Variants in CDC14A observed in about 807,000 individuals in gnomAD.
The protein encoded by CDC14A is dual specificity protein phosphatase CDC14A.
CDC14A carries 53 observed loss-of-function variants against 74.4 expected under a neutral mutation model. That is an observed-to-expected ratio of 0.71 (90% CI 0.57 to 0.89). The LOEUF (loss-of-function observed/expected upper bound fraction) is 0.89. Among genes scored for constraint, CDC14A ranks in the 40% least tolerant of loss-of-function variants. The probability of loss-of-function intolerance (pLI) is 0.00; values close to 1 mark genes in which losing one functional copy is unlikely to be tolerated. For missense variants in CDC14A, 646 were observed against 713.7 expected, an observed-to-expected ratio of 0.91 and a Z score of 1.08; for synonymous variants, 247 against 258.4, an observed-to-expected ratio of 0.96 and a Z score of 0.43.
At chr1:100,420,031 T>TACACACACAC (rs368385925) in intron 4 of CDC14A, among the ~76,000 whole-genome samples, 3 of 82,902 alleles carry the variant, frequency 3.6e-5, no homozygotes, top group African/African-American at 1.1e-4. Flanking sequence ...TATACATATA[T>TACACACACAC]ACACACACAC....
intron 8 of CDC14A, among the ~76,000 whole-genome samples, chr1:100,459,126 C>CACACAGAGAGAGAGAGAGAGAGAG (rs1279905046): frequency 6.9e-6 from 1 of 144,576 alleles, no homozygotes; most frequent in African/African-American, 2.6e-5. Context: ...CACACACACA[C>CACACAGAGAGAGAGAGAGAGAGAG]AGAGAGAGAG....
upstream of CDC14A, among the ~76,000 whole-genome samples, chr1:100,350,752 C>T (rs980271599): frequency 6.6e-6 from 1 of 152,112 alleles, no homozygotes; most frequent in Non-Finnish European, 1.5e-5. Context: ...TTAGATTATG[C>T]AAGAATTTTA....
intron 4 of CDC14A, among the ~76,000 whole-genome samples, chr1:100,391,795 G>C (rs181191458): frequency 6.6e-6 from 1 of 152,222 alleles, no homozygotes; most frequent in Non-Finnish European, 1.5e-5. Flanking sequence ...CTATTGCAGG[G>C]TGCAGGCTGA....
intron 4 of CDC14A, among the ~76,000 whole-genome samples, chr1:100,412,738 T>A (rs1424748743): frequency 1.0e-5 from 1 of 97,412 alleles, no homozygotes; most frequent in Non-Finnish European, 1.8e-5. Context: ...TATATATATA[T>A]TTTATATATA....
intron 4 of CDC14A, chr1:100,394,018 G>A: frequency 3.8e-6 from 1 of 261,588 alleles, no homozygotes; most frequent in Non-Finnish European, 7.5e-6. Context: ...CCAAACCTGT[G>A]CCTGCCATTC....
chr1:100,432,607 T>C (rs140029114), intron 5 of CDC14A, among the ~76,000 whole-genome samples: 1,920 of 152,274 alleles, frequency 0.013, 41 homozygotes, highest in African/African-American at 0.044. Context: ...TCTCTCAAAA[T>C]AAAAAGATTT....
At chr1:100,478,907 C>T (rs1338960142) in intron 10 of CDC14A, among the ~76,000 whole-genome samples, 3 of 152,130 alleles carry the variant, frequency 2.0e-5, no homozygotes, top group Admixed American at 6.6e-5. Context: ...TTGTTCAGTG[C>T]AGTCTCTGAT....
chr1:100,470,898 C>T (rs1668330270), intron 10 of CDC14A, among the ~76,000 whole-genome samples: 1 of 152,092 alleles, frequency 6.6e-6, no homozygotes, highest in African/African-American at 2.4e-5. Flanking sequence ...CTATATTTAA[C>T]TCTATGACCC....
chr1:100,435,646 T>C (rs1412181704), intron 5 of CDC14A, among the ~76,000 whole-genome samples: 4 of 151,870 alleles, frequency 2.6e-5, no homozygotes, highest in Admixed American at 6.6e-5. Context: ...CTGGCTGACA[T>C]GGTAAAACCC....
chr1:100,351,909 CGTGGGGG>C, upstream of CDC14A: 2 of 1,061,918 alleles, frequency 1.9e-6, no homozygotes, highest in African/African-American at 3.2e-5. Flanking sequence ...CAGTGTTGGG[CGTGGGGG>C]GTGGCTGAAA....
At chr1:100,386,135 C>A (rs1034395668) in intron 3 of CDC14A, among the ~76,000 whole-genome samples, 2 of 151,318 alleles carry the variant, frequency 1.3e-5, no homozygotes, top group African/African-American at 4.9e-5. Flanking sequence ...CCACTGTATT[C>A]CAGCCTGGGT....
chr1:100,476,232 C>T (rs1668884423), intron 10 of CDC14A, among the ~76,000 whole-genome samples: 1 of 152,098 alleles, frequency 6.6e-6, no homozygotes, highest in Non-Finnish European at 1.5e-5. Flanking sequence ...GCGGGCAGAT[C>T]GCATGAGGTC....
At chr1:100,393,634 C>G in intron 4 of CDC14A, 1 of 612,474 alleles carries the variant, frequency 1.6e-6, no homozygotes, top group South Asian at 1.5e-5. Flanking sequence ...ACACCAGAGG[C>G]TTCATAACCT....
intron 3 of CDC14A, among the ~76,000 whole-genome samples, chr1:100,384,657 C>G (rs1470215073): frequency 3.3e-5 from 5 of 152,208 alleles, no homozygotes; most frequent in Non-Finnish European, 7.3e-5. Flanking sequence ...TCCTGGCACC[C>G]AGATTTAGCA....
rs867730552 is a variant in CDC14A at position 100,399,673 on chromosome 1, C to A, written c.309+8849C>A. On this transcript the variant is annotated intron_variant, in intron 4 of 15. Transcript: ENST00000336454. ...TTTATATTTGTTTCCTATATTTAGA[C>A]CATTTTAGAGTGGATAAGTGCTATT... Among the ~76,000 whole-genome samples the A allele has an allele frequency of 3.9e-5, 6 of 152,026 alleles. No individual in the cohort carries two copies. The South Asian group carries it at 8.3e-4, about 21-fold the overall frequency.
At chr1:100,488,233 CTG>C (rs1164355643) in intron 11 of CDC14A, among the ~76,000 whole-genome samples, 1 of 152,106 alleles carries the variant, frequency 6.6e-6, no homozygotes, top group Non-Finnish European at 1.5e-5. Flanking sequence ...ATGCCAGTAA[CTG>C]TTTTAGGCAC....
intron 10 of CDC14A, among the ~76,000 whole-genome samples, chr1:100,471,812 C>G (rs552966731): frequency 6.6e-6 from 1 of 152,088 alleles, no homozygotes; most frequent in Non-Finnish European, 1.5e-5. Context: ...AACCTTGGCT[C>G]CTATCTCACA....
intron 15 of CDC14A, among the ~76,000 whole-genome samples, chr1:100,501,824 C>A (rs757975542): frequency 6.6e-6 from 1 of 152,004 alleles, no homozygotes; most frequent in African/African-American, 2.4e-5. Flanking sequence ...ATTATCCTGA[C>A]CTGGTGTAGG....
chr1:100,483,445 C>T (rs1217654650), intron 10 of CDC14A, among the ~76,000 whole-genome samples: 3 of 152,046 alleles, frequency 2.0e-5, no homozygotes, highest in African/African-American at 7.2e-5. Context: ...GTGGCGTCTC[C>T]TTGATGATGC....
Sources: gnomAD v4.1 joint callset for allele counts (sites outside exome capture counted in the v4.1 genomes callset) on GRCh38, gnomAD v4.1.1 for gene constraint, MANE v1.5 for transcripts, NCBI Gene and HGNC (gene_info 2026-07-23, HGNC 2026-07-21) for gene names.